Variants in CLSTN2 observed in about 807,000 individuals in gnomAD.
CLSTN2 encodes calsyntenin-2.
A neutral mutation model predicts 101.2 loss-of-function variants in CLSTN2; 48 were observed. That is an observed-to-expected ratio of 0.47 (90% CI 0.38 to 0.60). The LOEUF is 0.60. CLSTN2 is among the 20% of genes least tolerant of loss of function. The pLI, the probability that CLSTN2 is intolerant of heterozygous loss-of-function variation, is 0.00. For missense variants in CLSTN2, 1,160 were observed against 1,238.2 expected (o/e 0.94, Z 0.95); for synonymous variants, 481 against 463.6 (o/e 1.04, Z -0.48).
At chr3:140,195,248 A>G (rs1680215708) in intron 2 of CLSTN2, among the ~76,000 whole-genome samples, 1 of 152,168 alleles carries the variant, frequency 6.6e-6, no homozygotes, top group African/African-American at 2.4e-5. Flanking sequence ...TGGCTAGAGA[A>G]AGCAGCCTTT....
intron 1 of CLSTN2, among the ~76,000 whole-genome samples, chr3:140,047,578 A>G (rs76753477): frequency 0.013 from 1,981 of 152,262 alleles, 49 homozygotes; most frequent in African/African-American, 0.044. Flanking sequence ...ATTTATAAAG[A>G]AGGGAATTTA....
chr3:140,480,558 G>A lies in CLSTN2; in HGVS notation c.1344+13827G>A, dbSNP rs139001091. 4.3e-3 allele frequency among the ~76,000 whole-genome samples: 647 copies of A among 152,168 alleles called. 2 individuals are homozygous for A. The highest frequency in any genetic ancestry group is 6.1e-3 in the Non-Finnish European group (414 of 67,998). ...AATGGTTGAACTAGTTTACAGTCCC[G>A]CCAACAGTGTAAAAGTGTCCCTATT... On this transcript the variant is annotated intron_variant, in intron 8 of 16. Coordinates refer to ENST00000458420, the MANE Select transcript of CLSTN2 (RefSeq NM_022131.3).
intron 5 of CLSTN2, among the ~76,000 whole-genome samples, chr3:140,442,700 C>A (rs1576570108): frequency 6.6e-6 from 1 of 152,164 alleles, no homozygotes; most frequent in South Asian, 2.1e-4. Flanking sequence ...AGGACTAACC[C>A]AACTGCTGAA....
intron 2 of CLSTN2, among the ~76,000 whole-genome samples, chr3:140,287,222 C>A (rs562719141): frequency 2.0e-5 from 3 of 152,242 alleles, no homozygotes; most frequent in Admixed American, 2.0e-4. Context: ...ATTACTGATA[C>A]AACACGGATG....
At chr3:140,180,756 C>G (rs184465087) in intron 2 of CLSTN2, among the ~76,000 whole-genome samples, 1 of 152,310 alleles carries the variant, frequency 6.6e-6, no homozygotes, top group Admixed American at 6.5e-5. Flanking sequence ...ACTTCTCAAG[C>G]TGGGTGACTC....
At chr3:140,372,519 G>A (rs969021065) in intron 2 of CLSTN2, among the ~76,000 whole-genome samples, 2 of 152,162 alleles carry the variant, frequency 1.3e-5, no homozygotes, top group Non-Finnish European at 2.9e-5. Context: ...ATTAGGCGAT[G>A]TGGTGTTGCC....
At chr3:140,535,092 C>T (rs1935332680) in intron 9 of CLSTN2, among the ~76,000 whole-genome samples, 1 of 152,220 alleles carries the variant, frequency 6.6e-6, no homozygotes, top group Admixed American at 6.5e-5. Context: ...ACCAATGCAA[C>T]CACCATGCCC....
intron 2 of CLSTN2, among the ~76,000 whole-genome samples, chr3:140,216,411 G>A (rs4234483): frequency 0.99 from 150,135 of 152,274 alleles, 74,049 homozygotes; most frequent in East Asian, 1. Flanking sequence ...CCCAAATGTC[G>A]CTGGCCTCAT....
At chr3:140,071,320 G>A (rs1470628186) in intron 1 of CLSTN2, among the ~76,000 whole-genome samples, 1 of 151,980 alleles carries the variant, frequency 6.6e-6, no homozygotes, top group East Asian at 1.9e-4. Flanking sequence ...AAAGGTTACA[G>A]AAAAGGAGGG....
chr3:139,997,077 T>C (rs960363652), intron 1 of CLSTN2, among the ~76,000 whole-genome samples: 9 of 144,988 alleles, frequency 6.2e-5, no homozygotes, highest in African/African-American at 2.3e-4. Context: ...GAAAAGGAAA[T>C]ACCTGATCGT....
intron 2 of CLSTN2, among the ~76,000 whole-genome samples, chr3:140,401,221 G>T (rs1257833035): frequency 6.6e-6 from 1 of 152,268 alleles, no homozygotes; most frequent in Non-Finnish European, 1.5e-5. Flanking sequence ...TGGGATAAAT[G>T]AGGGTGACAT....
chr3:140,556,518 C>T lies in CLSTN2; in HGVS notation c.1680C>T (p.His560=), dbSNP rs376030217. ...LESLGQGIKY[H]FNPSQSILVM... ...TGCTCACTTTTGTCTTCCAGTATCA[C>T]TTCAACCCCTCGCAGTCCATCCTGG... The change falls in exon 11 of 17, where the codon CAC becomes CAT. Residue 560 remains histidine (H), a synonymous_variant. Transcript: ENST00000458420. 6.2e-7 allele frequency: 1 copy of T among 1,614,056 alleles called. No individual in the cohort carries two copies. Among genetic ancestry groups the T allele is most frequent in the Non-Finnish European group, 8.5e-7 (1 of 1,179,948 alleles).
intron 2 of CLSTN2, among the ~76,000 whole-genome samples, chr3:140,335,103 C>T (rs892009873): frequency 2.0e-5 from 3 of 152,114 alleles, no homozygotes; most frequent in Non-Finnish European, 4.4e-5. Flanking sequence ...CTTGGTGGGG[C>T]CTCAAAAGCT....
intron 1 of CLSTN2, among the ~76,000 whole-genome samples, chr3:140,128,866 G>T (rs768482568): frequency 6.6e-6 from 1 of 152,100 alleles, no homozygotes; most frequent in Non-Finnish European, 1.5e-5. Context: ...GTGCTGTCCG[G>T]TTCAGAGACC....
intron 2 of CLSTN2, among the ~76,000 whole-genome samples, chr3:140,217,036 C>T (rs370817571): frequency 5.3e-5 from 8 of 152,220 alleles, no homozygotes; most frequent in African/African-American, 1.7e-4. Flanking sequence ...ACCAAGATCA[C>T]GCTGCTGAAA....
At chr3:140,230,695 C>T (rs1359091365) in intron 2 of CLSTN2, among the ~76,000 whole-genome samples, 1 of 152,186 alleles carries the variant, frequency 6.6e-6, no homozygotes, top group African/African-American at 2.4e-5. Flanking sequence ...GACTCTGAAA[C>T]TGTAAGAAAT....
chr3:140,320,610 G>C lies in CLSTN2; in HGVS notation c.233-83019G>C, dbSNP rs1204874456. Reference sequence around the variant, plus strand: ...CTTCCATTGTATTTGTGTTTTTTTTGCGGGGGGGGGCAGGGGTCAATACAC... The same window carrying C: ...CTTCCATTGTATTTGTGTTTTTTTTCCGGGGGGGGGCAGGGGTCAATACAC... On this transcript the variant is annotated intron_variant, in intron 2 of 16. Coordinates refer to ENST00000458420, the MANE Select transcript of CLSTN2 (RefSeq NM_022131.3). Among the ~76,000 whole-genome samples the C allele has an allele frequency of 2.1e-5, 3 of 144,554 alleles. No homozygotes were observed. In the East Asian group the frequency reaches 6.4e-4, roughly 31 times the overall value. The allele number at this position is 144,554 out of a possible 152,430, so 94.8% of individuals were successfully genotyped here.
At chr3:140,228,480 C>G (rs947258826) in intron 2 of CLSTN2, among the ~76,000 whole-genome samples, 1 of 152,208 alleles carries the variant, frequency 6.6e-6, no homozygotes, top group Non-Finnish European at 1.5e-5. Context: ...ATTTTCCTGT[C>G]TTCTTCTGAG....
intron 2 of CLSTN2, among the ~76,000 whole-genome samples, chr3:140,238,781 T>C (rs925742987): frequency 1.3e-5 from 2 of 152,136 alleles, no homozygotes; most frequent in Admixed American, 1.3e-4. Flanking sequence ...TTAGTGGTGA[T>C]TAAAAAATGT....
Sources: allele counts gnomAD v4.1 joint callset (sites outside exome capture counted in the v4.1 genomes callset), GRCh38; gene constraint gnomAD v4.1.1; transcripts MANE v1.5; gene names NCBI Gene and HGNC (gene_info 2026-07-23, HGNC 2026-07-21).